Variants in MYO10 observed in about 807,000 individuals in gnomAD.
MYO10 encodes myosin X.
A neutral mutation model predicts 257.3 loss-of-function variants in MYO10; 133 were observed. The ratio of observed to expected loss-of-function variants is 0.52; its 90% CI spans 0.45 to 0.60. MYO10 has a LOEUF of 0.60. MYO10 is among the 20% of genes least tolerant of loss of function. The pLI, the probability that MYO10 is intolerant of heterozygous loss-of-function variation, is 0.00. For synonymous variants in MYO10, 1,104 were observed against 1,028.6 expected, an observed-to-expected ratio of 1.07 and a Z score of -1.40; for missense variants, 2,399 against 2,635.7, an observed-to-expected ratio of 0.91 and a Z score of 1.97.
chr5:16,931,687 G>A (rs1194737305), intron 1 of MYO10, among the ~76,000 whole-genome samples: 1 of 152,098 alleles, frequency 6.6e-6, no homozygotes, highest in African/African-American at 2.4e-5. Flanking sequence ...ACAGAGAAGA[G>A]GCAACACGCT....
At chr5:16,773,174 A>G (rs10072648) in intron 9 of MYO10, among the ~76,000 whole-genome samples, 32,135 of 152,126 alleles carry the variant, frequency 0.21, 3,504 homozygotes, top group Middle Eastern at 0.23. Context: ...AATAAGAACT[A>G]TTTGCCAAGT....
chr5:16,745,761 TTC>T (rs1740175733), intron 19 of MYO10, among the ~76,000 whole-genome samples: 1 of 152,186 alleles, frequency 6.6e-6, no homozygotes, highest in South Asian at 2.1e-4. Flanking sequence ...AAAGATTAAA[TTC>T]TCTGTTTCTG....
intron 1 of MYO10, among the ~76,000 whole-genome samples, chr5:16,879,544 C>A (rs541712695): frequency 6.6e-6 from 1 of 152,190 alleles, no homozygotes; most frequent in Non-Finnish European, 1.5e-5. Flanking sequence ...GGAATCCTCT[C>A]AATTCCAAGA....
chr5:16,871,695 G>A (rs1271137397), intron 2 of MYO10, among the ~76,000 whole-genome samples: 3 of 152,128 alleles, frequency 2.0e-5, no homozygotes, highest in African/African-American at 7.2e-5. Context: ...CCTAATGCTT[G>A]GCGACGATTC....
At chr5:16,868,759 G>C (rs1257977459) in intron 2 of MYO10, among the ~76,000 whole-genome samples, 2 of 152,198 alleles carry the variant, frequency 1.3e-5, no homozygotes, top group African/African-American at 2.4e-5. Context: ...AAGTGTGAAA[G>C]AGTGTCATTT....
At chr5:16,784,029 C>A (rs1741500818) in intron 4 of MYO10, among the ~76,000 whole-genome samples, 2 of 152,156 alleles carry the variant, frequency 1.3e-5, no homozygotes, top group South Asian at 4.1e-4. Context: ...ACTCTTAATG[C>A]CAGCTCGGCC....
At chr5:16,818,426 A>G (rs1270005528) in intron 2 of MYO10, among the ~76,000 whole-genome samples, 7 of 147,046 alleles carry the variant, frequency 4.8e-5, no homozygotes, top group African/African-American at 1.8e-4. Context: ...ATATATATAT[A>G]CACATATCTT....
chr5:16,780,503 T>C (rs1741391403), intron 8 of MYO10, 21 bp downstream of exon 8: 2 of 1,540,890 alleles, frequency 1.3e-6, no homozygotes, highest in Admixed American at 1.9e-5. Flanking sequence ...GTCCACATTA[T>C]CCAGCTGTCG....
intron 1 of MYO10, among the ~76,000 whole-genome samples, chr5:16,929,450 G>A (rs1341292148): frequency 1.3e-5 from 2 of 152,122 alleles, no homozygotes; most frequent in Non-Finnish European, 2.9e-5. Context: ...ACATCAACAG[G>A]ACAGAAAAGC....
chr5:16,901,719 CA>C (rs1745383550), intron 1 of MYO10, among the ~76,000 whole-genome samples: 1 of 152,212 alleles, frequency 6.6e-6, no homozygotes, highest in Admixed American at 6.5e-5. Context: ...GACTTCCCTA[CA>C]ATGAGTACCA....
At chr5:16,818,354 GTGTA>G (rs1281090547) in intron 2 of MYO10, among the ~76,000 whole-genome samples, 187 bp from the exon 3 acceptor site, 3 of 135,576 alleles carry the variant, frequency 2.2e-5, no homozygotes, top group South Asian at 4.9e-4. Flanking sequence ...CTCTCTGTGT[GTGTA>G]TGTATGTGTG....
At chr5:16,926,086 A>G (rs1267965826) in intron 1 of MYO10, among the ~76,000 whole-genome samples, 2 of 152,202 alleles carry the variant, frequency 1.3e-5, no homozygotes, top group Non-Finnish European at 2.9e-5. Flanking sequence ...GGATATCCCA[A>G]TGACCCTGAT....
intron 1 of MYO10, among the ~76,000 whole-genome samples, chr5:16,899,552 G>A (rs963708666): frequency 1.3e-5 from 2 of 150,680 alleles, no homozygotes; most frequent in Non-Finnish European, 1.5e-5. Context: ...CAGGAGAATC[G>A]CGTGAACCTG....
intron 19 of MYO10, among the ~76,000 whole-genome samples, chr5:16,715,394 T>A (rs73051060): frequency 7.8e-4 from 96 of 123,624 alleles, no homozygotes; most frequent in African/African-American, 3.6e-3. Flanking sequence ...AGATTGAAAT[T>A]TTTTTTTTTT....
At chr5:16,794,476 CCTT>C (rs1223501136) in intron 4 of MYO10, among the ~76,000 whole-genome samples, 167 bp downstream of exon 4, 4 of 151,922 alleles carry the variant, frequency 2.6e-5, no homozygotes, top group Admixed American at 1.3e-4. Context: ...TAAGTAAGCT[CCTT>C]CTGAAAGCTG....
rs764940167 is a variant in MYO10 at position 16,673,774 on chromosome 5, G to A, written c.5080C>T (p.Leu1694=). The change falls in exon 36 of 41, where the codon CTG becomes TTG. Residue 1694 remains leucine, a synonymous_variant. Coordinates refer to ENST00000513610, the MANE Select transcript of MYO10 (RefSeq NM_012334.3). ...FVPSRDEIEA[L]IHRQEMTSTV... Reference sequence around the variant, plus strand: ...GATGTCATTTCCTGCCTGTGGATCAGAGCTTCTATTTCATCTCGGGAAGGC... The same window carrying A: ...GATGTCATTTCCTGCCTGTGGATCAAAGCTTCTATTTCATCTCGGGAAGGC... 3 of 1,613,890 alleles carry A rather than the reference G, an allele frequency of 1.9e-6. No individual in the cohort carries two copies. Among genetic ancestry groups the A allele is most frequent in the Non-Finnish European group, 1.7e-6 (2 of 1,179,916 alleles).
At chr5:16,804,446 G>A (rs748941440) in intron 3 of MYO10, among the ~76,000 whole-genome samples, 3 of 152,182 alleles carry the variant, frequency 2.0e-5, no homozygotes, top group Non-Finnish European at 4.4e-5. Context: ...CTCACAGAAG[G>A]ACTTCACTTA....
intron 1 of MYO10, among the ~76,000 whole-genome samples, chr5:16,887,294 A>G (rs138600035): frequency 1.3e-5 from 2 of 152,326 alleles, no homozygotes; most frequent in East Asian, 3.9e-4. Context: ...TATCACCAAC[A>G]ATACACTAAT....
intron 3 of MYO10, among the ~76,000 whole-genome samples, chr5:16,812,568 C>T (rs1420182928): frequency 6.6e-6 from 1 of 152,106 alleles, no homozygotes; most frequent in East Asian, 1.9e-4. Context: ...TGTGAGCTGG[C>T]CTTGGTGTTA....
Sources: allele counts gnomAD v4.1 joint callset (sites outside exome capture counted in the v4.1 genomes callset), GRCh38; gene constraint gnomAD v4.1.1; transcripts MANE v1.5; gene names NCBI Gene and HGNC (gene_info 2026-07-23, HGNC 2026-07-21).